OCIAD1: variants seen among roughly 807,000 people sequenced by gnomAD.
OCIAD1 encodes the protein OCIA domain containing 1.
OCIAD1 carries 29 observed loss-of-function variants against 38.9 expected under a neutral mutation model. The observed-to-expected ratio is 0.74, with a 90% CI of 0.55 to 1.02. The LOEUF (loss-of-function observed/expected upper bound fraction) is 1.02. OCIAD1 is among the 50% of genes least tolerant of loss of function. The pLI, the probability that OCIAD1 is intolerant of heterozygous loss-of-function variation, is 0.00. For missense variants in OCIAD1, 288 were observed against 289.6 expected (o/e 0.99, Z 0.04); for synonymous variants, 110 against 92.0 (o/e 1.20, Z -1.12).
Position 48,861,676 on chromosome 4 carries a change from A to C in OCIAD1, c.*914A>C, listed in dbSNP as rs1441862484. Reference sequence around the variant, plus strand: ...ACTCCAGCCTGTGCGACTGAGTGAGACCCTGTGTCTAAAAAAATAAAAATA... The same window carrying C: ...ACTCCAGCCTGTGCGACTGAGTGAGCCCCTGTGTCTAAAAAAATAAAAATA... On this transcript the variant is annotated 3_prime_UTR_variant, in exon 9 of 9. Coordinates refer to ENST00000264312, the MANE Select transcript of OCIAD1 (RefSeq NM_017830.4). 6.6e-6 allele frequency: 1 copy of C among 152,138 alleles called. No homozygotes were observed. Among genetic ancestry groups the C allele is most frequent in the Non-Finnish European group, 1.5e-5 (1 of 68,028 alleles). 9.4% of individuals were successfully genotyped at this position (152,138 alleles called of 1,614,324 possible). A position where few individuals can be genotyped will look rare whatever the true frequency, so the allele number is the denominator to read the frequency against.
At chr4:48,832,530 C>T in intron 1 of OCIAD1, 90 bp from the exon 2 acceptor site, 1 of 897,912 alleles carries the variant, frequency 1.1e-6, no homozygotes, top group South Asian at 1.3e-5. Context: ...GCTGTGTAGA[C>T]TAGTAGTTTT....
At chr4:48,807,479 A>G (rs1353255112) in intron 1 of OCIAD1, among the ~76,000 whole-genome samples, 1 of 152,200 alleles carries the variant, frequency 6.6e-6, no homozygotes, top group Admixed American at 6.5e-5. Flanking sequence ...AGTACCAAGT[A>G]TCTATCAGGT....
chr4:48,849,359 A>G (rs1174771944), intron 5 of OCIAD1, among the ~76,000 whole-genome samples: 1 of 152,138 alleles, frequency 6.6e-6, no homozygotes, highest in Non-Finnish European at 1.5e-5. Flanking sequence ...CAAAAGAAGT[A>G]CCTGAGGCTT....
At chr4:48,842,791 A>G (rs1392029968) in intron 4 of OCIAD1, 102 bp downstream of exon 4, 2 of 614,312 alleles carry the variant, frequency 3.3e-6, no homozygotes, top group South Asian at 2.1e-5. Context: ...AATGTATCAT[A>G]TTAAACACTA....
chr4:48,828,346 G>GGACCAATCAGCTCTCTGTACAATA (rs1777272414), upstream of OCIAD1, among the ~76,000 whole-genome samples: 1 of 152,148 alleles, frequency 6.6e-6, no homozygotes, highest in African/African-American at 2.4e-5. Flanking sequence ...TCTGTACAAT[G>GGACCAATCAGCTCTCTGTACAATA]GACCAATCAA....
At chr4:48,833,883 T>G (rs1331229282) in intron 3 of OCIAD1, among the ~76,000 whole-genome samples, 1 of 152,194 alleles carries the variant, frequency 6.6e-6, no homozygotes, top group East Asian at 1.9e-4. Flanking sequence ...TGAAAACAGG[T>G]CTGTCTGAAA....
chr4:48,839,916 TG>T (rs1396638535), intron 3 of OCIAD1, among the ~76,000 whole-genome samples: 1 of 152,220 alleles, frequency 6.6e-6, no homozygotes, highest in African/African-American at 2.4e-5. Context: ...TCAGGAGACT[TG>T]GGTTCTGATC....
intron 1 of OCIAD1, among the ~76,000 whole-genome samples, chr4:48,813,662 G>GAAAC (rs1777113799): frequency 6.6e-6 from 1 of 152,150 alleles, no homozygotes; most frequent in Non-Finnish European, 1.5e-5. Flanking sequence ...TCCCAAAGGG[G>GAAAC]AAACAAACAA....
At chr4:48,814,870 A>C (rs1277130446) in intron 1 of OCIAD1, among the ~76,000 whole-genome samples, 1 of 152,216 alleles carries the variant, frequency 6.6e-6, no homozygotes, top group Non-Finnish European at 1.5e-5. Flanking sequence ...GTTCATATTC[A>C]TACTGACACA....
chr4:48,858,704 C>T (rs1337456201), intron 8 of OCIAD1, among the ~76,000 whole-genome samples: 2 of 152,186 alleles, frequency 1.3e-5, no homozygotes, highest in African/African-American at 4.8e-5. Context: ...GTCCTTTCAC[C>T]TTGGCCTCCC....
intron 3 of OCIAD1, among the ~76,000 whole-genome samples, chr4:48,841,843 G>A (rs1238322835): frequency 6.6e-6 from 1 of 151,802 alleles, no homozygotes; most frequent in Non-Finnish European, 1.5e-5. Flanking sequence ...TTTCACTCTC[G>A]GTTTTAGGCA....
intron 3 of OCIAD1, among the ~76,000 whole-genome samples, chr4:48,839,955 TG>T (rs1778375248): frequency 6.6e-6 from 1 of 152,196 alleles, no homozygotes; most frequent in Non-Finnish European, 1.5e-5. Context: ...TAACCAGCTG[TG>T]TTGCTTTGAG....
rs141955152 is a variant in OCIAD1 at position 48,842,641 on chromosome 4, C to T, written c.145C>T (p.Pro49Ser). 65 of 1,567,224 alleles carry T rather than the reference C, an allele frequency of 4.1e-5. No homozygotes were observed. Among genetic ancestry groups the T allele is most frequent in the Non-Finnish European group, 7.8e-6 (9 of 1,157,938 alleles). Residue 49 changes from proline to serine, a missense_variant, in exon 4 of 9, where the codon CCT (proline) becomes TCT (serine). Coordinates refer to ENST00000264312, the MANE Select transcript of OCIAD1 (RefSeq NM_017830.4). ...NDESFWFRSV[P>S]LAATSMLITQ... Reference sequence around the variant, plus strand: ...AGGTCTTTTTCTTCCTATAGCTGTGCCTTTGGCTGCAACAAGTATGTTGAT... The same window carrying T: ...AGGTCTTTTTCTTCCTATAGCTGTGTCTTTGGCTGCAACAAGTATGTTGAT...
At position 48,849,958 on chromosome 4, in the gene OCIAD1, A is replaced by G. The variant is rs200975217; in HGVS notation, c.253A>G (p.Met85Val). Residue 85 changes from methionine to valine, a missense_variant, in exon 6 of 9, where the codon ATG (methionine) becomes GTG (valine). Coordinates refer to ENST00000264312, the MANE Select transcript of OCIAD1 (RefSeq NM_017830.4). Reference sequence around the variant, plus strand: ...ATTTTACAAATAAGTTGCTTGTATCATGGGATACTTTGCTGGAAAACTTTC... The same window carrying G: ...ATTTTACAAATAAGTTGCTTGTATCGTGGGATACTTTGCTGGAAAACTTTC... ...SIPKLILACI[M>V]GYFAGKLSYV... 1.8e-5 allele frequency: 29 copies of G among 1,608,916 alleles called. No homozygotes were observed. The East Asian group carries it at 2.2e-4, about 12-fold the overall frequency.
intron 3 of OCIAD1, among the ~76,000 whole-genome samples, chr4:48,841,618 TACAA>T (rs1778538014): frequency 6.6e-6 from 1 of 152,162 alleles, no homozygotes; most frequent in East Asian, 1.9e-4. Context: ...ACTGTATTTG[TACAA>T]ACAGTTTGGG....
intron 1 of OCIAD1, among the ~76,000 whole-genome samples, chr4:48,818,269 C>T (rs1175350346): frequency 1.3e-5 from 2 of 152,142 alleles, no homozygotes; most frequent in Non-Finnish European, 2.9e-5. Flanking sequence ...ACTGGTGATA[C>T]CCAGGTGAAC....
At chr4:48,846,671 C>T (rs1223775802) in intron 4 of OCIAD1, among the ~76,000 whole-genome samples, 4 of 151,904 alleles carry the variant, frequency 2.6e-5, no homozygotes, top group Non-Finnish European at 5.9e-5. Context: ...TTGCTTGAAC[C>T]CAGGAGGCGA....
chr4:48,830,018 A>G (rs1433655497), upstream of OCIAD1, among the ~76,000 whole-genome samples: 1 of 152,232 alleles, frequency 6.6e-6, no homozygotes, highest in Non-Finnish European at 1.5e-5. Flanking sequence ...ATTTTGAAAT[A>G]TCGTTAGAAT....
At chr4:48,820,654 G>A (rs1365531143) in intron 1 of OCIAD1, among the ~76,000 whole-genome samples, 2 of 152,094 alleles carry the variant, frequency 1.3e-5, no homozygotes, top group African/African-American at 4.8e-5. Context: ...TGGACCACTA[G>A]CTAGACTAAT....
Sources: allele counts gnomAD v4.1 joint callset (sites outside exome capture counted in the v4.1 genomes callset), GRCh38; gene constraint gnomAD v4.1.1; transcripts MANE v1.5; gene names NCBI Gene and HGNC (gene_info 2026-07-23, HGNC 2026-07-21).